The following EFHB variants were observed in gnomAD, a reference collection of about 807,000 sequenced individuals.
EFHB encodes EF-hand domain family member B, also known as EF-hand domain-containing family member B.
EFHB carries 91 observed loss-of-function variants against 87.2 expected under a neutral mutation model. That is an observed-to-expected ratio of 1.04 (90% CI 0.88 to 1.24). The LOEUF (loss-of-function observed/expected upper bound fraction) is 1.24. EFHB is among the 50% of genes most tolerant of loss of function. The pLI is 0.00. For synonymous variants in EFHB, 325 were observed against 333.6 expected (o/e 0.97, Z 0.28); for missense variants, 1,084 against 998.8 (o/e 1.09, Z -1.15).
intron 9 of EFHB, among the ~76,000 whole-genome samples, chr3:19,895,744 G>A (rs1694459652): frequency 1.3e-5 from 2 of 152,136 alleles, no homozygotes. Flanking sequence ...CAGATACTTA[G>A]ATGAAGTGCA....
rs1474193691 is a variant in EFHB, at chr3:19,915,352, T to C, written c.1239A>G (p.Gly413=). 6.2e-7 allele frequency: 1 copy of C among 1,613,458 alleles called. No individual in the cohort carries two copies. The highest frequency in any genetic ancestry group is 1.7e-5 in the Admixed American group (1 of 59,970). The change falls in exon 5 of 13, where the codon GGA becomes GGG. Residue 413 remains glycine (G), a synonymous_variant. Coordinates refer to ENST00000295824, the MANE Select transcript of EFHB (RefSeq NM_144715.4). ...PKSYEEVFKE[G]NEGHDLYVVS... ...CAACATACAAATCATGTCCTTCATTTCCTTCTTTAAATACTTCTTCATAGG... is the reference window on the plus strand; with the variant it reads ...CAACATACAAATCATGTCCTTCATTCCCTTCTTTAAATACTTCTTCATAGG...
chr3:19,907,326 T>C (rs1694872980), intron 5 of EFHB, among the ~76,000 whole-genome samples: 1 of 152,130 alleles, frequency 6.6e-6, no homozygotes, highest in Non-Finnish European at 1.5e-5. Context: ...ATAGAAAATA[T>C]GTAGCTCAAT....
At chr3:19,892,546 G>T (rs1486253778) in intron 9 of EFHB, among the ~76,000 whole-genome samples, 1 of 152,224 alleles carries the variant, frequency 6.6e-6, no homozygotes, top group Non-Finnish European at 1.5e-5. Context: ...GGCCAGTAGG[G>T]TTGGTCCGCC....
At chr3:19,882,036 TAAATAAATAAA>T (rs2125121706) in intron 12 of EFHB, among the ~76,000 whole-genome samples, 1 of 140,386 alleles carries the variant, frequency 7.1e-6, no homozygotes, top group South Asian at 2.3e-4. Flanking sequence ...AATAAATAAA[TAAATAAATAAA>T]TAAATAAATA....
intron 5 of EFHB, among the ~76,000 whole-genome samples, chr3:19,908,758 T>C (rs189305441): frequency 8.1e-4 from 124 of 152,238 alleles, no homozygotes; most frequent in Middle Eastern, 6.8e-3. Flanking sequence ...TTAGTAATGA[T>C]TAAAATTAAG....
rs537708779 is a variant in EFHB, at chr3:19,882,335, T to A, written c.2328+215A>T. Among the ~76,000 whole-genome samples the A allele has an allele frequency of 1.3e-4, 20 of 152,304 alleles. No individual in the cohort carries two copies. The South Asian group carries it at 3.9e-3, about 30-fold the overall frequency. On this transcript the variant is annotated intron_variant, in intron 12 of 12. Coordinates refer to ENST00000295824, the MANE Select transcript of EFHB (RefSeq NM_144715.4). ...TCTTCTTTACGTGGACCATATTGAATGTAAAATATGAATTTGCTCTTTCTG... is the reference window on the plus strand; with the variant it reads ...TCTTCTTTACGTGGACCATATTGAAAGTAAAATATGAATTTGCTCTTTCTG...
intron 6 of EFHB, among the ~76,000 whole-genome samples, chr3:19,902,084 A>C (rs1385794820): frequency 1.3e-5 from 2 of 152,184 alleles, no homozygotes; most frequent in African/African-American, 4.8e-5. Context: ...ACAATCAGGA[A>C]GTATCTGTGG....
chr3:19,908,556 GAGAGAA>G (rs1344698201), intron 5 of EFHB, among the ~76,000 whole-genome samples: 22 of 61,982 alleles, frequency 3.5e-4, no homozygotes, highest in African/African-American at 1.5e-3. Flanking sequence ...AAGAGAGAAA[GAGAGAA>G]AGAGAGAGAG....
At chr3:19,934,270 T>C (rs1029005401), upstream of EFHB, 4 of 1,401,460 alleles carry the variant, frequency 2.9e-6, no homozygotes, top group Admixed American at 3.0e-5. Flanking sequence ...CAAGTCCTGC[T>C]TGGACAGATC....
At chr3:19,919,731 G>T (rs776315545) in intron 3 of EFHB, 102 bp downstream of exon 3, 21 of 1,174,736 alleles carry the variant, frequency 1.8e-5, no homozygotes, top group Non-Finnish European at 2.3e-5. Flanking sequence ...AAAAATATGG[G>T]TGGGAAGGAG....
At chr3:19,895,019 GT>G (rs1303747162) in intron 9 of EFHB, 5 of 142,484 alleles carry the variant, frequency 3.5e-5, no homozygotes, top group Non-Finnish European at 6.0e-5. Context: ...AAAATATATA[GT>G]TTTTATATAT....
intron 5 of EFHB, among the ~76,000 whole-genome samples, chr3:19,910,372 G>C (rs997938106): frequency 2.0e-5 from 3 of 152,172 alleles, no homozygotes; most frequent in Non-Finnish European, 4.4e-5. Flanking sequence ...CTGTCTTTGG[G>C]AGGGGGAGGG....
At chr3:19,926,685 C>CAG (rs112716745) in intron 1 of EFHB, among the ~76,000 whole-genome samples, 95,933 of 145,834 alleles carry the variant, frequency 0.66, 30,954 homozygotes, top group African/African-American at 0.72. Flanking sequence ...ATTTTTGAGA[C>CAG]AGTTTCACTC....
intron 6 of EFHB, among the ~76,000 whole-genome samples, 165 bp from the exon 7 acceptor site, chr3:19,899,680 C>G (rs1694605725): frequency 6.6e-6 from 1 of 152,144 alleles, no homozygotes; most frequent in African/African-American, 2.4e-5. Context: ...GTTCATTTTT[C>G]TTTCATTTAC....
intron 5 of EFHB, among the ~76,000 whole-genome samples, chr3:19,908,462 G>A (rs373233132): frequency 3.3e-5 from 5 of 151,712 alleles, no homozygotes; most frequent in Non-Finnish European, 5.9e-5. Context: ...GAACCCAGGA[G>A]GCAGAGGTTG....
intron 10 of EFHB, among the ~76,000 whole-genome samples, chr3:19,885,094 C>T (rs1011938732): frequency 5.3e-5 from 8 of 151,908 alleles, no homozygotes; most frequent in African/African-American, 1.4e-4. Context: ...TGGTGGCAGG[C>T]GCCTGTAACC....
Position 19,884,950 on chromosome 3 carries a change from G to A in EFHB, c.1934-335C>T, listed in dbSNP as rs981625196. 7.9e-5 allele frequency among the ~76,000 whole-genome samples: 12 copies of A among 151,326 alleles called. No individual in the cohort carries two copies. The South Asian group carries it at 1.9e-3, about 24-fold the overall frequency. Reference sequence around the variant, plus strand: ...AAAAAAAAATAGAGCGGCCAGGCACGGTGGCTCACGCCTGTAATCCCAGCA... The same window carrying A: ...AAAAAAAAATAGAGCGGCCAGGCACAGTGGCTCACGCCTGTAATCCCAGCA... On this transcript the variant is annotated intron_variant, in intron 10 of 12. Coordinates refer to ENST00000295824, the MANE Select transcript of EFHB (RefSeq NM_144715.4).
At chr3:19,941,119 A>G in intron 1 of EFHB, 1 of 380,862 alleles carries the variant, frequency 2.6e-6, no homozygotes, top group Non-Finnish European at 4.8e-6. Flanking sequence ...TTTTCCATTG[A>G]AAAAGTCTTG....
At chr3:19,881,183 C>T (rs2071667240) in intron 12 of EFHB, among the ~76,000 whole-genome samples, 1 of 152,138 alleles carries the variant, frequency 6.6e-6, no homozygotes, top group Non-Finnish European at 1.5e-5. Flanking sequence ...TTTTCCCCAC[C>T]CACTGGTAGT....
Sources: allele counts gnomAD v4.1 joint callset (sites outside exome capture counted in the v4.1 genomes callset), GRCh38; gene constraint gnomAD v4.1.1; transcripts MANE v1.5; gene names NCBI Gene and HGNC (gene_info 2026-07-23, HGNC 2026-07-21).